Variants in SLC35F3 observed in about 807,000 individuals in gnomAD.
The protein encoded by SLC35F3 is putative thiamine transporter SLC35F3.
Under a neutral mutation model 49.9 loss-of-function variants are expected in SLC35F3, and 25 were observed. The ratio of observed to expected loss-of-function variants is 0.50; its 90% CI spans 0.37 to 0.70. The LOEUF is 0.70. Among genes scored for constraint, SLC35F3 ranks in the 30% least tolerant of loss-of-function variants. The pLI, the probability that SLC35F3 is intolerant of heterozygous loss-of-function variation, is 0.00. For missense variants in SLC35F3, 525 were observed against 639.8 expected (o/e 0.82, Z 1.94); for synonymous variants, 275 against 265.4 (o/e 1.04, Z -0.35).
chr1:234,190,561 A>G (rs565733915), intron 2 of SLC35F3, among the ~76,000 whole-genome samples: 1 of 152,356 alleles, frequency 6.6e-6, no homozygotes, highest in Admixed American at 6.5e-5. Context: ...GAGCTCCCAA[A>G]TTTATAAAAC....
chr1:234,164,808 C>G (rs1336598055), intron 2 of SLC35F3, among the ~76,000 whole-genome samples: 1 of 116,752 alleles, frequency 8.6e-6, no homozygotes, highest in Non-Finnish European at 1.6e-5. Context: ...AGATATTTTT[C>G]TGACATTTTG....
intron 2 of SLC35F3, among the ~76,000 whole-genome samples, chr1:234,069,160 T>C (rs1047022866): frequency 2.2e-5 from 3 of 137,524 alleles, no homozygotes; most frequent in African/African-American, 8.0e-5. Flanking sequence ...TTATAGACAA[T>C]AATATATAAT....
chr1:234,241,247 G>A (rs370996048), intron 3 of SLC35F3, among the ~76,000 whole-genome samples: 1 of 151,944 alleles, frequency 6.6e-6, no homozygotes, highest in Non-Finnish European at 1.5e-5. Flanking sequence ...TGCCACATGC[G>A]GCACAGGGGT....
At chr1:234,032,399 G>A (rs1664077626) in intron 2 of SLC35F3, among the ~76,000 whole-genome samples, 1 of 151,624 alleles carries the variant, frequency 6.6e-6, no homozygotes, top group Non-Finnish European at 1.5e-5. Flanking sequence ...TTTTTGGAGA[G>A]CAGGTGGTGT....
chr1:234,262,573 C>T (rs1292803932), intron 3 of SLC35F3, among the ~76,000 whole-genome samples: 1 of 152,120 alleles, frequency 6.6e-6, no homozygotes, highest in Non-Finnish European at 1.5e-5. Context: ...TTTATTACTC[C>T]CTTCCTGGTC....
chr1:234,072,255 G>T (rs559845963), intron 2 of SLC35F3, among the ~76,000 whole-genome samples: 161 of 152,318 alleles, frequency 1.1e-3, no homozygotes, highest in African/African-American at 3.7e-3. Flanking sequence ...GAAGAAGGTT[G>T]CACTTAATAA....
At position 234,231,787 on chromosome 1, in the gene SLC35F3, C is replaced by T. The variant is rs906092597; in HGVS notation, c.608+46C>T. On this transcript the variant is annotated intron_variant, in intron 3 of 7. Transcript: ENST00000366618. This position sits in a 1 kb window ranked among gnomAD's most constrained non-coding sequence, Gnocchi z 5.4. Reference sequence around the variant, plus strand: ...GAGGCCTCCTGACCCCGGGCTGCTCCATCCAGCGCTGACTCTGCAGAGCTG... The same window carrying T: ...GAGGCCTCCTGACCCCGGGCTGCTCTATCCAGCGCTGACTCTGCAGAGCTG... 2 of 1,541,042 alleles carry T rather than the reference C, an allele frequency of 1.3e-6. No homozygotes were observed. The highest frequency in any genetic ancestry group is 1.8e-5 in the Admixed American group (1 of 55,794).
Position 234,190,715 on chromosome 1 carries a change from A to T in SLC35F3, c.284-40702A>T, listed in dbSNP as rs574567704. Among the ~76,000 whole-genome samples the T allele has an allele frequency of 4.1e-4, 62 of 152,360 alleles. No individual in the cohort carries two copies. In the South Asian group the frequency reaches 9.5e-3, roughly 23 times the overall value. On this transcript the variant is annotated intron_variant, in intron 2 of 7. Transcript: ENST00000366618. ...TTAAACTATACCCTAGAACAACTTG[A>T]CTTAACGGATATTTTACAGAATATT...
At chr1:234,242,740 C>T (rs1028774951) in intron 3 of SLC35F3, among the ~76,000 whole-genome samples, 2 of 152,180 alleles carry the variant, frequency 1.3e-5, no homozygotes, top group Admixed American at 6.5e-5. Context: ...AAGCATTTCA[C>T]GCTTTTCTTA....
intron 4 of SLC35F3, among the ~76,000 whole-genome samples, chr1:234,310,343 G>T (rs934873640): frequency 6.6e-6 from 1 of 152,128 alleles, no homozygotes; most frequent in Non-Finnish European, 1.5e-5. Flanking sequence ...ATTGTCCTGG[G>T]AACAATGACA....
At chr1:234,313,958 C>T (rs780438668) in intron 4 of SLC35F3, among the ~76,000 whole-genome samples, 2 of 152,204 alleles carry the variant, frequency 1.3e-5, no homozygotes, top group Non-Finnish European at 2.9e-5. Flanking sequence ...GCACAGGGCA[C>T]GTTCCAACCC....
At chr1:234,022,648 A>T (rs1255922271) in intron 2 of SLC35F3, among the ~76,000 whole-genome samples, 3 of 152,288 alleles carry the variant, frequency 2.0e-5, no homozygotes, top group Non-Finnish European at 2.9e-5. Context: ...CCAAGTGTTC[A>T]TGTAGGTTCA....
At chr1:233,927,680 A>G (rs530881550) in intron 2 of SLC35F3, among the ~76,000 whole-genome samples, 1 of 152,140 alleles carries the variant, frequency 6.6e-6, no homozygotes, top group Non-Finnish European at 1.5e-5. Flanking sequence ...ACAGAAAATT[A>G]AATAACTGAA....
intron 2 of SLC35F3, among the ~76,000 whole-genome samples, chr1:234,165,946 C>A (rs1416687436): frequency 2.6e-5 from 4 of 152,078 alleles, no homozygotes; most frequent in Non-Finnish European, 5.9e-5. Context: ...TGAGAACATG[C>A]GGTATTTGGT....
At chr1:233,985,264 A>G (rs1304078928) in intron 2 of SLC35F3, among the ~76,000 whole-genome samples, 2 of 152,228 alleles carry the variant, frequency 1.3e-5, no homozygotes, top group Admixed American at 6.5e-5. Context: ...CGTTTACCAA[A>G]CAGCACACAG....
intron 2 of SLC35F3, among the ~76,000 whole-genome samples, chr1:234,195,263 C>G (rs1026647382): frequency 2.6e-5 from 4 of 152,230 alleles, no homozygotes; most frequent in African/African-American, 4.8e-5. Context: ...TCCCAGCCTC[C>G]TGTGTGCTCC....
At chr1:234,034,256 A>G (rs1664107313) in intron 2 of SLC35F3, among the ~76,000 whole-genome samples, 1 of 152,128 alleles carries the variant, frequency 6.6e-6, no homozygotes, top group African/African-American at 2.4e-5. Flanking sequence ...AGCTTTTTGG[A>G]TGAGTCTTTA....
At chr1:234,140,184 T>A (rs1665889184) in intron 2 of SLC35F3, among the ~76,000 whole-genome samples, 1 of 151,910 alleles carries the variant, frequency 6.6e-6, no homozygotes, top group Admixed American at 6.6e-5. Context: ...AGCACAATTT[T>A]AAACCTATGA....
At chr1:233,924,345 A>T (rs1190447750) in intron 2 of SLC35F3, among the ~76,000 whole-genome samples, 2 of 152,266 alleles carry the variant, frequency 1.3e-5, no homozygotes, top group East Asian at 1.9e-4. Flanking sequence ...CTATTCAGGG[A>T]TTCAACTTCT....
Sources: gnomAD v4.1 joint callset for allele counts (sites outside exome capture counted in the v4.1 genomes callset) on GRCh38, gnomAD v4.1.1 for gene constraint, Gnocchi (gnomAD v3.1) non-coding constraint, MANE v1.5 for transcripts, NCBI Gene and HGNC (gene_info 2026-07-23, HGNC 2026-07-21) for gene names.